Variants in OSTF1 observed in about 807,000 individuals in gnomAD.
OSTF1 encodes osteoclast stimulating factor 1, also known as osteoclast-stimulating factor 1.
A neutral mutation model predicts 37.2 loss-of-function variants in OSTF1; 27 were observed. The ratio of observed to expected loss-of-function variants is 0.73; its 90% CI spans 0.54 to 1.00. The LOEUF (loss-of-function observed/expected upper bound fraction) is 1.00, where lower values mean the gene tolerates loss of function less well. Among genes scored for constraint, OSTF1 ranks in the 50% least tolerant of loss-of-function variants. The probability of loss-of-function intolerance (pLI) is 0.00; values close to 1 mark genes in which losing one functional copy is unlikely to be tolerated. For missense variants in OSTF1, 232 were observed against 253.8 expected (o/e 0.91, Z 0.58); for synonymous variants, 82 against 89.2 (o/e 0.92, Z 0.46).
intron 1 of OSTF1, among the ~76,000 whole-genome samples, chr9:75,111,750 G>A (rs1372914797): frequency 2.9e-5 from 4 of 135,738 alleles, no homozygotes; most frequent in Non-Finnish European, 4.7e-5. Context: ...GCATACACAA[G>A]AACAAGTAAA....
At position 75,088,534 on chromosome 9, in the gene OSTF1, C is replaced by T. The variant is rs1032454256; in HGVS notation, c.-159C>T. On this transcript the variant is annotated 5_prime_UTR_variant, in exon 1 of 10. Transcript: ENST00000346234. ...GGAGCACTCGGCGGAGCCGCTCTGC[C>T]TGCGTCCGCTCTTCCCGCAGCCAAG... is the stretch of plus-strand genomic sequence containing the variant. 2 of 766,766 alleles carry T rather than the reference C, an allele frequency of 2.6e-6. No homozygotes were observed. Among genetic ancestry groups the T allele is most frequent in the South Asian group, 1.6e-5 (1 of 61,780 alleles). 47.5% of individuals were successfully genotyped at this position (766,766 alleles called of 1,614,324 possible).
intron 8 of OSTF1, among the ~76,000 whole-genome samples, chr9:75,138,817 A>G (rs1357744023): frequency 2.0e-5 from 3 of 152,086 alleles, no homozygotes; most frequent in African/African-American, 7.2e-5. Flanking sequence ...GCTCTAAAGT[A>G]TAATATAGTA....
intron 2 of OSTF1, among the ~76,000 whole-genome samples, chr9:75,125,256 G>A (rs946661450): frequency 2.6e-5 from 4 of 152,276 alleles, no homozygotes; most frequent in Middle Eastern, 3.4e-3. Context: ...GGATGCTGGC[G>A]TGCGGAGAGA....
chr9:75,129,968 C>T (rs12340936), intron 3 of OSTF1, among the ~76,000 whole-genome samples: 2,208 of 152,076 alleles, frequency 0.015, 58 homozygotes, highest in African/African-American at 0.05. Flanking sequence ...TTCAGAGATA[C>T]GTACTGAAAT....
intron 4 of OSTF1, 104 bp from the exon 5 acceptor site, chr9:75,131,666 C>T (rs2118584716): frequency 1.2e-6 from 1 of 800,004 alleles, no homozygotes; most frequent in East Asian, 2.5e-5. Context: ...GTGTTGAATG[C>T]CCTGGTACTC....
chr9:75,103,255 C>T (rs1029728812), intron 1 of OSTF1, among the ~76,000 whole-genome samples: 3 of 152,078 alleles, frequency 2.0e-5, no homozygotes, highest in Admixed American at 1.3e-4. Flanking sequence ...TGTACTATAG[C>T]CTGGGCAACA....
intron 8 of OSTF1, among the ~76,000 whole-genome samples, chr9:75,139,054 C>CTTTCTTTCTTTCTTTCT (rs1465270702): frequency 9.1e-6 from 1 of 109,512 alleles, no homozygotes; most frequent in Non-Finnish European, 2.0e-5. Flanking sequence ...TTCTTTCTTT[C>CTTTCTTTCTTTCTTTCT]TTTTTTTTTT....
chr9:75,119,377 G>T (rs1825542183), intron 2 of OSTF1, among the ~76,000 whole-genome samples: 1 of 152,214 alleles, frequency 6.6e-6, no homozygotes, highest in Non-Finnish European at 1.5e-5. Context: ...GAAAGGTAGG[G>T]TTTTTATTCT....
intron 9 of OSTF1, among the ~76,000 whole-genome samples, chr9:75,144,445 G>C (rs1451589318): frequency 6.6e-6 from 1 of 152,136 alleles, no homozygotes; most frequent in African/African-American, 2.4e-5. Context: ...TTAGCTACTT[G>C]GGAGGCTGAG....
chr9:75,127,253 T>C (rs1474344128), intron 2 of OSTF1, among the ~76,000 whole-genome samples: 2 of 152,200 alleles, frequency 1.3e-5, no homozygotes, highest in Non-Finnish European at 2.9e-5. Flanking sequence ...ATACCACCTT[T>C]TAGAATTTCT....
intron 1 of OSTF1, among the ~76,000 whole-genome samples, chr9:75,115,649 T>TTG (rs2118507146): frequency 6.6e-6 from 1 of 150,702 alleles, no homozygotes; most frequent in African/African-American, 2.5e-5. Context: ...TTTTTTGTTT[T>TTG]TTTTTTGTTT....
intron 1 of OSTF1, among the ~76,000 whole-genome samples, chr9:75,106,238 A>C (rs985714614): frequency 6.6e-6 from 1 of 152,214 alleles, no homozygotes; most frequent in African/African-American, 2.4e-5. Context: ...ATCCAAGAGT[A>C]TAAGTAGGCA....
chr9:75,124,166 G>T (rs1825625697), intron 2 of OSTF1, among the ~76,000 whole-genome samples: 2 of 152,106 alleles, frequency 1.3e-5, no homozygotes, highest in South Asian at 4.1e-4. Flanking sequence ...CATAGTAGGT[G>T]TATATATTCA....
chr9:75,119,658 A>C (rs1825547003), intron 2 of OSTF1, among the ~76,000 whole-genome samples: 1 of 151,992 alleles, frequency 6.6e-6, no homozygotes, highest in South Asian at 2.1e-4. Flanking sequence ...CTGTGTTTTC[A>C]TTTCCTCTTC....
intron 1 of OSTF1, among the ~76,000 whole-genome samples, chr9:75,100,031 G>A (rs560680654): frequency 6.6e-6 from 1 of 152,270 alleles, no homozygotes; most frequent in South Asian, 2.1e-4. Context: ...AAAACCAAAG[G>A]TAAAGAACTA....
At chr9:75,127,814 G>T (rs1564164695) in intron 3 of OSTF1, among the ~76,000 whole-genome samples, 195 bp downstream of exon 3, 1 of 151,878 alleles carries the variant, frequency 6.6e-6, no homozygotes, top group African/African-American at 2.4e-5. Context: ...AATAAGCTTT[G>T]GTCTAGCCAC....
intron 1 of OSTF1, among the ~76,000 whole-genome samples, chr9:75,115,224 T>C (rs568044119): frequency 1.3e-5 from 2 of 152,338 alleles, no homozygotes; most frequent in Admixed American, 6.5e-5. Flanking sequence ...TATTTTCTTG[T>C]CCTAGATAAC....
chr9:75,137,112 G>A (rs903288897), intron 7 of OSTF1, among the ~76,000 whole-genome samples: 1 of 152,206 alleles, frequency 6.6e-6, no homozygotes, highest in African/African-American at 2.4e-5. Flanking sequence ...GGCAGCAAGA[G>A]AAGGGGAAGA....
At chr9:75,102,773 C>A (rs367564067) in intron 1 of OSTF1, among the ~76,000 whole-genome samples, 6 of 152,290 alleles carry the variant, frequency 3.9e-5, no homozygotes, top group African/African-American at 1.4e-4. Context: ...ACTCCAGTGG[C>A]ATCACAATGA....
Sources: allele counts gnomAD v4.1 joint callset (sites outside exome capture counted in the v4.1 genomes callset), GRCh38; gene constraint gnomAD v4.1.1; transcripts MANE v1.5; gene names NCBI Gene and HGNC (gene_info 2026-07-23, HGNC 2026-07-21).